The following DSTYK variants were observed in gnomAD, a reference collection of about 807,000 sequenced individuals.
The protein encoded by DSTYK is dual serine/threonine and tyrosine protein kinase.
A neutral mutation model predicts 98.7 loss-of-function variants in DSTYK; 34 were observed. That is an observed-to-expected ratio of 0.34 (90% CI 0.26 to 0.46). DSTYK has a LOEUF of 0.46. DSTYK is among the 20% of genes least tolerant of loss of function. The pLI, the probability that DSTYK is intolerant of heterozygous loss-of-function variation, is 1.00. For synonymous variants in DSTYK, 462 were observed against 457.3 expected (o/e 1.01, Z -0.13); for missense variants, 962 against 1,181.7 (o/e 0.81, Z 2.73).
intron 1 of DSTYK, among the ~76,000 whole-genome samples, chr1:205,192,111 C>T (rs189016195): frequency 6.6e-6 from 1 of 152,126 alleles, no homozygotes; most frequent in Non-Finnish European, 1.5e-5. Context: ...AAAGCAGCAA[C>T]CTATTTTGGT....
intron 1 of DSTYK, among the ~76,000 whole-genome samples, chr1:205,208,416 G>A (rs983997043): frequency 2.0e-5 from 3 of 152,164 alleles, no homozygotes; most frequent in Non-Finnish European, 2.9e-5. Context: ...CAAATTTAGA[G>A]TTAATCCCTG....
At chr1:205,194,847 C>T (rs867711804) in intron 1 of DSTYK, among the ~76,000 whole-genome samples, 8 of 150,160 alleles carry the variant, frequency 5.3e-5, no homozygotes, top group Non-Finnish European at 1.0e-4. Context: ...GGACTACAGG[C>T]GTGTGCCAAA....
intron 1 of DSTYK, among the ~76,000 whole-genome samples, chr1:205,193,997 C>T (rs574559469): frequency 1.2e-4 from 19 of 152,314 alleles, no homozygotes; most frequent in African/African-American, 4.3e-4. Flanking sequence ...ATCCCACACC[C>T]TGGGGGAAGG....
At chr1:205,205,931 T>C (rs1334090376) in intron 1 of DSTYK, among the ~76,000 whole-genome samples, 1 of 152,242 alleles carries the variant, frequency 6.6e-6, no homozygotes, top group Non-Finnish European at 1.5e-5. Context: ...ATAACCTCCC[T>C]TAGCATTCTG....
chr1:205,177,726 G>C (rs1350934223), intron 2 of DSTYK, among the ~76,000 whole-genome samples: 1 of 152,050 alleles, frequency 6.6e-6, no homozygotes, highest in Non-Finnish European at 1.5e-5. Flanking sequence ...AATTAGCCAG[G>C]CATGGTGGCA....
intron 2 of DSTYK, among the ~76,000 whole-genome samples, chr1:205,176,257 C>T (rs1658224872): frequency 6.6e-6 from 1 of 152,038 alleles, no homozygotes. Context: ...ACAGGCAGAT[C>T]ACCTGAGGTT....
intron 2 of DSTYK, among the ~76,000 whole-genome samples, chr1:205,182,497 G>GT (rs1553364853): frequency 1.1e-4 from 4 of 34,912 alleles, no homozygotes; most frequent in South Asian, 8.4e-4. Flanking sequence ...GTTAAAAACG[G>GT]TAAAAAAAAA....
intron 10 of DSTYK, among the ~76,000 whole-genome samples, chr1:205,155,711 G>T (rs1391794499): frequency 2.6e-5 from 4 of 152,196 alleles, no homozygotes; most frequent in South Asian, 2.1e-4. Context: ...TATTTTCTGG[G>T]GGAGAAATTC....
chr1:205,190,629 A>AAT (rs1658683175), intron 1 of DSTYK, among the ~76,000 whole-genome samples: 1 of 151,222 alleles, frequency 6.6e-6, no homozygotes, highest in East Asian at 1.9e-4. Flanking sequence ...AAAAAAAAAA[A>AAT]AAAAAAAACC....
In DSTYK at chr1:205,169,905, CT is replaced by C; in HGVS notation, c.655-74del. The C allele has an allele frequency of 7.1e-7, 1 of 1,410,778 alleles. No individual in the cohort carries two copies. The allele number at this position is 1,410,778 out of a possible 1,614,324, so 87.4% of individuals were successfully genotyped here. A position where few individuals can be genotyped will look rare whatever the true frequency, so the allele number is the denominator to read the frequency against. On this transcript the variant is annotated intron_variant, in intron 2 of 12. Transcript: ENST00000367162. The surrounding 1 kb of genome is among the most constrained non-coding windows in gnomAD (Gnocchi z 4.0). ...ATCCCTGTCTCCCCAAAGTCCCACA[CT>C]GAGACCAAAATCCTGATCTACAATG...
At chr1:205,159,087 A>T (rs12142402) in intron 9 of DSTYK, among the ~76,000 whole-genome samples, 46,441 of 149,850 alleles carry the variant, frequency 0.31, 8,770 homozygotes, top group Non-Finnish European at 0.44. Context: ...ATCTTTAAAA[A>T]TTTTTTTTTT....
rs117075291 is a variant in DSTYK at position 205,164,415 on chromosome 1, A to T, written c.1325-460T>A. 9.3e-3 allele frequency among the ~76,000 whole-genome samples: 1,415 copies of T among 152,260 alleles called. 39 individuals carry two copies. The highest frequency in any genetic ancestry group is 0.076 in the East Asian group (392 of 5,160). ...GAGTGAGACCCCGTCTCAAAAAAAA[A>T]AAATAAATAAGAAGCAATAAGTCTA... On this transcript the variant is annotated intron_variant, in intron 3 of 12. Transcript: ENST00000367162.
chr1:205,179,610 G>C (rs1658336322), intron 2 of DSTYK, among the ~76,000 whole-genome samples: 1 of 146,276 alleles, frequency 6.8e-6, no homozygotes, highest in Non-Finnish European at 1.5e-5. Context: ...AACAGAGTGA[G>C]AGTCCGTCTC....
chr1:205,211,168 C>T, intron 1 of DSTYK, 103 bp downstream of exon 1: 1 of 1,455,276 alleles, frequency 6.9e-7, no homozygotes, highest in Non-Finnish European at 9.0e-7. Context: ...CTGCCCCTTT[C>T]CGCCTGCCCG....
chr1:205,206,921 A>G (rs528417219), intron 1 of DSTYK, among the ~76,000 whole-genome samples: 3 of 152,228 alleles, frequency 2.0e-5, no homozygotes, highest in East Asian at 3.9e-4. Flanking sequence ...TCTAGAGATC[A>G]GTACTGTTAT....
intron 1 of DSTYK, among the ~76,000 whole-genome samples, chr1:205,188,604 G>T (rs1430418019): frequency 1.3e-5 from 2 of 152,152 alleles, no homozygotes; most frequent in Non-Finnish European, 2.9e-5. Flanking sequence ...TAGCACTATG[G>T]AGCCCTTTTA....
In DSTYK at chr1:205,150,912, G is replaced by A; in HGVS notation, c.2353-118C>T. 1 of 789,140 alleles carries A rather than the reference G, an allele frequency of 1.3e-6. No individual in the cohort carries two copies. The highest frequency in any genetic ancestry group is 2.1e-6 in the Non-Finnish European group (1 of 467,514). The allele number at this position is 789,140 out of a possible 1,614,324, so 48.9% of individuals were successfully genotyped here. A position where few individuals can be genotyped will look rare whatever the true frequency, so the allele number is the denominator to read the frequency against. On this transcript the variant is annotated intron_variant, in intron 10 of 12. Transcript: ENST00000367162. This position sits in a 1 kb window ranked among gnomAD's most constrained non-coding sequence, Gnocchi z 4.1. ...GTGTCACTGGATAGGATTATGCTCT[G>A]AAAATGAGTTGTCAGGTGATTTCAT...
At chr1:205,166,839 TG>T (rs776828395) in intron 3 of DSTYK, among the ~76,000 whole-genome samples, 16 of 152,222 alleles carry the variant, frequency 1.1e-4, no homozygotes, top group African/African-American at 1.4e-4. Flanking sequence ...TATTTATAAG[TG>T]TAACTTAAAC....
In DSTYK at chr1:205,143,783, T is replaced by C. The variant is rs3795556; in HGVS notation, c.*3775A>G. 45,809 of 152,350 alleles carry C rather than the reference T, an allele frequency of 0.3. 7,298 individuals are homozygous for C. The highest frequency in any genetic ancestry group is 0.41 in the South Asian group (1,990 of 4,822). The allele number at this position is 152,350 out of a possible 1,614,324, so 9.4% of individuals were successfully genotyped here. A position where few individuals can be genotyped will look rare whatever the true frequency, so the allele number is the denominator to read the frequency against. ...CTCAAGCAAAGACACAAGAATGCAT[T>C]TGAGAGCTGACAGGTACTAGTCGAG... On this transcript the variant is annotated 3_prime_UTR_variant, in exon 13 of 13. Transcript: ENST00000367162.
Sources: gnomAD v4.1 joint callset for allele counts (sites outside exome capture counted in the v4.1 genomes callset) on GRCh38, gnomAD v4.1.1 for gene constraint, Gnocchi (gnomAD v3.1) non-coding constraint, MANE v1.5 for transcripts, NCBI Gene and HGNC (gene_info 2026-07-23, HGNC 2026-07-21) for gene names.